The following AGAP3 variants were observed in gnomAD, a reference collection of about 807,000 sequenced individuals.
AGAP3 encodes arf-GAP with GTPase, ANK repeat and PH domain-containing protein 3.
In AGAP3, 24 loss-of-function variants were observed where a neutral mutation model predicts 96.9. The ratio of observed to expected loss-of-function variants is 0.25; its 90% CI spans 0.18 to 0.35. The LOEUF (loss-of-function observed/expected upper bound fraction) is 0.35. AGAP3 is among the 10% of genes least tolerant of loss of function. The probability of loss-of-function intolerance (pLI) is 1.00; values close to 1 mark genes in which losing one functional copy is unlikely to be tolerated. For missense variants in AGAP3, 876 were observed against 1,254.2 expected, an observed-to-expected ratio of 0.70 and a Z score of 4.55; for synonymous variants, 563 against 536.1, an observed-to-expected ratio of 1.05 and a Z score of -0.69.
At chr7:151,130,470 C>G (rs956711696) in intron 10 of AGAP3, among the ~76,000 whole-genome samples, 4 of 152,160 alleles carry the variant, frequency 2.6e-5, no homozygotes, top group African/African-American at 9.7e-5. Context: ...TTGCCAAGAG[C>G]ACCTCCCTCT....
chr7:151,138,018 C>T, intron 11 of AGAP3, 125 bp from the exon 12 acceptor site: 4 of 783,128 alleles, frequency 5.1e-6, no homozygotes, highest in Non-Finnish European at 8.1e-6. Flanking sequence ...GGCCCGCCAC[C>T]TGATGAACCC....
In AGAP3 at chr7:151,139,770, CT is replaced by C. The variant is rs1223181282; in HGVS notation, c.1667-206del. On this transcript the variant is annotated intron_variant, in intron 12 of 17. Coordinates refer to ENST00000397238, the MANE Select transcript of AGAP3 (RefSeq NM_031946.7). This position sits in a 1 kb window ranked among gnomAD's most constrained non-coding sequence, Gnocchi z 4.9. The stretch of plus-strand genomic sequence containing the variant: ...CTGCTCTGCCTAAGTTTCCTATTCT[CT>C]TTCCACATTTTCCTCCTCCAAGGCT... 3 of 421,682 alleles carry C rather than the reference CT, an allele frequency of 7.1e-6. No homozygotes were observed. Among genetic ancestry groups the C allele is most frequent in the Admixed American group, 9.0e-5 (2 of 22,342 alleles). The allele number at this position is 421,682 out of a possible 1,614,324, so 26.1% of individuals were successfully genotyped here.
At chr7:151,128,273 G>A (rs1020416898) in intron 9 of AGAP3, 4 of 360,676 alleles carry the variant, frequency 1.1e-5, no homozygotes, top group African/African-American at 4.1e-5. Flanking sequence ...TACACCCGAC[G>A]GTCTACACCC....
At chr7:151,104,060 A>C (rs1798939981) in intron 1 of AGAP3, among the ~76,000 whole-genome samples, 1 of 152,084 alleles carries the variant, frequency 6.6e-6, no homozygotes, top group South Asian at 2.1e-4. Flanking sequence ...TCCCTCTGTA[A>C]TTAGTAAGTA....
chr7:151,086,543 C>T lies in AGAP3; in HGVS notation c.-199C>T, dbSNP rs1798150050. 6.8e-6 allele frequency among the ~76,000 whole-genome samples: 1 copy of T among 147,662 alleles called. No homozygotes were observed. Among genetic ancestry groups the T allele is most frequent in the South Asian group, 2.1e-4 (1 of 4,826 alleles). On this transcript the variant is annotated 5_prime_UTR_variant, in exon 1 of 18. Transcript: ENST00000397238. ...GCTGGGAAGCGCTCGGCAGCGGCGG[C>T]CACAGCGTGCGCGGCGGCGCCTCCT...
chr7:151,121,180 C>T (rs1585082769), intron 8 of AGAP3: 2 of 157,366 alleles, frequency 1.3e-5, no homozygotes, highest in African/African-American at 2.4e-5. Context: ...TCCCTCCCGG[C>T]TGCCTGCCTC....
chr7:151,122,632 A>G (rs1799965387), intron 8 of AGAP3: 3 of 1,461,890 alleles, frequency 2.1e-6, no homozygotes, highest in Non-Finnish European at 1.9e-6. Context: ...GCCGCTCCCC[A>G]GGCGCCTGGG....
At chr7:151,113,501 G>GT (rs546571286) in intron 1 of AGAP3, among the ~76,000 whole-genome samples, 1 of 152,364 alleles carries the variant, frequency 6.6e-6, no homozygotes, top group East Asian at 1.9e-4. Context: ...TGTGCCACTT[G>GT]TATCTCCCAC....
intron 1 of AGAP3, among the ~76,000 whole-genome samples, chr7:151,088,250 C>G (rs567744473): frequency 3.9e-5 from 6 of 152,196 alleles, no homozygotes; most frequent in Non-Finnish European, 7.3e-5. Flanking sequence ...CTGGGGGGAC[C>G]CCATGTGGTG....
At chr7:151,123,222 C>A in intron 8 of AGAP3, 1 of 1,076,550 alleles carries the variant, frequency 9.3e-7, no homozygotes, top group South Asian at 2.9e-5. Context: ...CTTGCCTTGC[C>A]CCCTCTTTTT....
Position 151,114,249 on chromosome 7 carries a change from G to A in AGAP3, c.332-2544G>A, listed in dbSNP as rs550050909. Among the ~76,000 whole-genome samples the A allele has an allele frequency of 1.6e-4, 24 of 152,358 alleles. No homozygotes were observed. The highest frequency in any genetic ancestry group is 3.4e-3 in the Middle Eastern group (1 of 294). On this transcript the variant is annotated intron_variant, in intron 1 of 17. Coordinates refer to ENST00000397238, the MANE Select transcript of AGAP3 (RefSeq NM_031946.7). The surrounding 1 kb of genome is among the most constrained non-coding windows in gnomAD (Gnocchi z 4.4). Reference sequence around the variant, plus strand: ...TCGCGTGCTGCAGACGAGGACACGCGCGCAGACCCGGCATGGCTGCCTCTG... The same window carrying A: ...TCGCGTGCTGCAGACGAGGACACGCACGCAGACCCGGCATGGCTGCCTCTG...
chr7:151,115,215 C>CGCGCGGGCA, intron 1 of AGAP3: 1 of 1,001,540 alleles, frequency 1.0e-6, no homozygotes, highest in Non-Finnish European at 1.2e-6. Flanking sequence ...GGGTCTGGGG[C>CGCGCGGGCA]GCGCGGGCAG....
chr7:151,092,112 A>G (rs912874085), intron 1 of AGAP3, among the ~76,000 whole-genome samples: 5 of 152,194 alleles, frequency 3.3e-5, no homozygotes, highest in Non-Finnish European at 7.3e-5. Context: ...TTGGTGCGTC[A>G]TTCTGCGAAA....
intron 1 of AGAP3, among the ~76,000 whole-genome samples, chr7:151,091,629 A>G (rs1386911205): frequency 2.6e-5 from 4 of 152,182 alleles, no homozygotes; most frequent in Non-Finnish European, 5.9e-5. Context: ...GGGCAGGGCA[A>G]AGGTCAGAGA....
intron 1 of AGAP3, chr7:151,116,572 T>C: frequency 3.5e-6 from 2 of 575,958 alleles, no homozygotes; most frequent in Non-Finnish European, 6.2e-6. Context: ...CCCACAGCCC[T>C]CAGAGTCCTG....
chr7:151,107,203 G>A (rs963709841), intron 1 of AGAP3, among the ~76,000 whole-genome samples: 3 of 152,096 alleles, frequency 2.0e-5, no homozygotes, highest in South Asian at 2.1e-4. Context: ...CCAGCTACTC[G>A]GGAGGCTGAG....
intron 8 of AGAP3, among the ~76,000 whole-genome samples, chr7:151,121,549 T>TCCCTGC (rs1238633548): frequency 1.3e-5 from 2 of 151,956 alleles, no homozygotes; most frequent in African/African-American, 2.4e-5. Flanking sequence ...CCCCTGCCTT[T>TCCCTGC]CCCTGCCCTG....
chr7:151,089,065 T>C (rs928700597), intron 1 of AGAP3, among the ~76,000 whole-genome samples: 3 of 151,460 alleles, frequency 2.0e-5, no homozygotes, highest in African/African-American at 7.3e-5. Context: ...TGCCCTGCTG[T>C]CCCTCCCTCC....
At position 151,140,080 on chromosome 7, in the gene AGAP3, A is replaced by C. The variant is rs753527441; in HGVS notation, c.1768A>C (p.Thr590Pro). 6.2e-7 allele frequency: 1 copy of C among 1,603,556 alleles called. No homozygotes were observed. Among genetic ancestry groups the C allele is most frequent in the East Asian group, 2.3e-5 (1 of 43,808 alleles). The change falls in exon 13 of 18, where the codon ACC becomes CCC. Residue 590 changes from threonine to proline, a missense_variant. Physicochemically the swap from Thr to Pro is conservative, Grantham distance 38 (BLOSUM62 -1). Transcript: ENST00000397238. This position sits in a 1 kb window ranked among gnomAD's most constrained non-coding sequence, Gnocchi z 5.4. ...GCACCGGAGGAAAAAGAGCACCGGGACCCCCCGACCAGACGGCCCCAGCAG... is the reference window on the plus strand; with the variant it reads ...GCACCGGAGGAAAAAGAGCACCGGGCCCCCCCGACCAGACGGCCCCAGCAG... ...KKHRRKKSTGTPRPDGPSSAT... is the reference protein window; with the variant it reads ...KKHRRKKSTGPPRPDGPSSAT...
Sources: allele counts gnomAD v4.1 joint callset (sites outside exome capture counted in the v4.1 genomes callset), GRCh38; gene constraint gnomAD v4.1.1; non-coding constraint Gnocchi (gnomAD v3.1); transcripts MANE v1.5; gene names NCBI Gene and HGNC (gene_info 2026-07-23, HGNC 2026-07-21).